Variants in PLA2R1 observed in about 807,000 individuals in gnomAD.
The protein encoded by PLA2R1 is phospholipase A2 receptor 1.
A neutral mutation model predicts 195.9 loss-of-function variants in PLA2R1; 158 were observed. The ratio of observed to expected loss-of-function variants is 0.81; its 90% CI spans 0.71 to 0.92. PLA2R1 has a LOEUF of 0.92. Ranked by LOEUF, PLA2R1 falls within the 40% of genes least tolerant of loss-of-function variation. The pLI, the probability that PLA2R1 is intolerant of heterozygous loss-of-function variation, is 0.00. For synonymous variants in PLA2R1, 586 were observed against 598.2 expected (o/e 0.98, Z 0.30); for missense variants, 1,626 against 1,764.6 (o/e 0.92, Z 1.41).
chr2:159,969,208 A>C, intron 19 of PLA2R1, 48 bp downstream of exon 19: 1 of 901,692 alleles, frequency 1.1e-6, no homozygotes, highest in East Asian at 2.4e-5. Flanking sequence ...AGCCTCCTGA[A>C]AATTATCAGT....
At position 159,970,335 on chromosome 2, in the gene PLA2R1, A is replaced by G. The variant is rs959359504; in HGVS notation, c.2596-123T>C. On this transcript the variant is annotated intron_variant, in intron 17 of 29. Transcript: ENST00000283243. ...ATTTTACCCAATTATCTAAGGAAGAATACACTAAGGCCTAGCATCTTGAGA... is the reference window on the plus strand; with the variant it reads ...ATTTTACCCAATTATCTAAGGAAGAGTACACTAAGGCCTAGCATCTTGAGA... The G allele has an allele frequency of 7.9e-5, 45 of 572,032 alleles. No individual in the cohort carries two copies. The Admixed American group carries it at 1.5e-3, about 19-fold the overall frequency. 35.4% of individuals were successfully genotyped at this position (572,032 alleles called of 1,614,324 possible).
chr2:159,986,136 CTG>C (rs1028272220), intron 12 of PLA2R1, among the ~76,000 whole-genome samples: 7 of 152,168 alleles, frequency 4.6e-5, no homozygotes, highest in African/African-American at 1.7e-4. Flanking sequence ...TGCTGCCTAT[CTG>C]TGAATACAAG....
chr2:160,038,881 G>A (rs550438536), intron 3 of PLA2R1, among the ~76,000 whole-genome samples: 122 of 152,050 alleles, frequency 8.0e-4, no homozygotes, highest in African/African-American at 2.6e-3. Context: ...GGGGGCAGGC[G>A]GGCGGCGACA....
chr2:160,012,000 T>A (rs1692397289), intron 10 of PLA2R1, among the ~76,000 whole-genome samples: 2 of 152,074 alleles, frequency 1.3e-5, no homozygotes, highest in South Asian at 4.1e-4. Context: ...TCCTGTGCAT[T>A]GTTTGGAACA....
intron 3 of PLA2R1, among the ~76,000 whole-genome samples, chr2:160,034,140 T>C (rs976478970): frequency 6.6e-6 from 1 of 152,252 alleles, no homozygotes; most frequent in African/African-American, 2.4e-5. Flanking sequence ...GTTAATTTAG[T>C]GTACTTCAAA....
chr2:160,030,263 C>A (rs1693774764), intron 4 of PLA2R1, among the ~76,000 whole-genome samples: 1 of 152,208 alleles, frequency 6.6e-6, no homozygotes, highest in Admixed American at 6.5e-5. Flanking sequence ...TAAACAGAAA[C>A]AGCATACTAT....
rs1046608588 is a variant in PLA2R1 at position 159,932,949 on chromosome 2, C to T, written c.*8829G>A. The T allele has an allele frequency of 6.7e-5, 10 of 149,458 alleles. No individual in the cohort carries two copies. The highest frequency in any genetic ancestry group is 2.2e-4 in the African/African-American group (9 of 40,872). The allele number at this position is 149,458 out of a possible 1,614,324, so 9.3% of individuals were successfully genotyped here. On this transcript the variant is annotated 3_prime_UTR_variant, in exon 30 of 30. Coordinates refer to ENST00000283243, the MANE Select transcript of PLA2R1 (RefSeq NM_007366.5). ...ACATTAATCTTGAAAAATCAATTTC[C>T]ATTAATAGAAGCACAGGAAACAAGT...
chr2:160,049,519 T>A (rs990016694), intron 1 of PLA2R1, among the ~76,000 whole-genome samples: 4 of 152,220 alleles, frequency 2.6e-5, no homozygotes, highest in African/African-American at 9.7e-5. Context: ...GCCTAGCTAA[T>A]GAAAAGAAGG....
chr2:159,948,244 A>T (rs972219341), intron 25 of PLA2R1, among the ~76,000 whole-genome samples: 2 of 151,960 alleles, frequency 1.3e-5, no homozygotes, highest in Admixed American at 6.6e-5. Context: ...ATTACAAAAA[A>T]CTTTTTAAAA....
chr2:159,969,941 G>A (rs1454119335), intron 18 of PLA2R1, among the ~76,000 whole-genome samples: 1 of 152,160 alleles, frequency 6.6e-6, no homozygotes. Flanking sequence ...GCTTTTGGAG[G>A]TGATGGATAT....
chr2:159,980,656 C>T (rs1574724521), intron 13 of PLA2R1, among the ~76,000 whole-genome samples: 4 of 152,144 alleles, frequency 2.6e-5, no homozygotes, highest in African/African-American at 9.7e-5. Flanking sequence ...CACAGAGAAT[C>T]ACCTTCCCTT....
rs545153299 is a variant in PLA2R1, at chr2:159,957,928, A to G, written c.2905-1301T>C. Among the ~76,000 whole-genome samples the G allele has an allele frequency of 9.7e-4, 148 of 152,340 alleles. 1 individual carries two copies. Among genetic ancestry groups the G allele is most frequent in the African/African-American group, 3.5e-3 (144 of 41,586 alleles). On this transcript the variant is annotated intron_variant, in intron 20 of 29. Coordinates refer to ENST00000283243, the MANE Select transcript of PLA2R1 (RefSeq NM_007366.5). The stretch of plus-strand genomic sequence containing the variant: ...TCTCTCATAATCAATTCTCTCATCA[A>G]TGAACACAGATAACCCTAGTCATTG...
rs1694775505 is a variant in PLA2R1, at chr2:160,045,083, C to T, written c.184G>A (p.Glu62Lys). 1.2e-6 allele frequency: 2 copies of T among 1,613,776 alleles called. No homozygotes were observed. Among genetic ancestry groups the T allele is most frequent in the Admixed American group, 1.7e-5 (1 of 60,002 alleles). The change falls in exon 2 of 30, where the codon GAG (glutamate) becomes AAG (lysine). Residue 62 changes from glutamate (E) to lysine (K), a missense_variant. Physicochemically the swap from Glu to Lys is moderately conservative, Grantham distance 56 (BLOSUM62 1). Transcript: ENST00000283243. ...TGCTTGTTTGCTTGCTTGCAGTTCTCCAGGGTCAGAACCGATTTACCTGCT... is the reference window on the plus strand; with the variant it reads ...TGCTTGTTTGCTTGCTTGCAGTTCTTCAGGGTCAGAACCGATTTACCTGCT... Reference protein sequence around the residue: ...IQAGKSVLTLENCKQANKHML... With the variant: ...IQAGKSVLTLKNCKQANKHML...
At chr2:159,984,222 T>G in intron 12 of PLA2R1, 149 bp from the exon 13 acceptor site, 1 of 483,798 alleles carries the variant, frequency 2.1e-6, no homozygotes. Flanking sequence ...ATTTACTGAA[T>G]TAGAATGTGC....
intron 10 of PLA2R1, among the ~76,000 whole-genome samples, chr2:160,008,183 G>A (rs1692123292): frequency 6.6e-6 from 1 of 152,190 alleles, no homozygotes; most frequent in South Asian, 2.1e-4. Flanking sequence ...TTAGATGCCT[G>A]TAGTCCCAGC....
At chr2:160,037,096 C>T (rs1395299108) in intron 3 of PLA2R1, among the ~76,000 whole-genome samples, 1 of 152,194 alleles carries the variant, frequency 6.6e-6, no homozygotes, top group African/African-American at 2.4e-5. Flanking sequence ...TTCAATAAAT[C>T]CACATTTTTC....
intron 20 of PLA2R1, among the ~76,000 whole-genome samples, chr2:159,958,159 A>T (rs915818526): frequency 3.3e-5 from 5 of 152,022 alleles, no homozygotes; most frequent in African/African-American, 1.2e-4. Flanking sequence ...CATGGGGCAG[A>T]TCCCTCTTGA....
At chr2:159,982,391 G>A (rs1303206957) in intron 13 of PLA2R1, among the ~76,000 whole-genome samples, 2 of 152,218 alleles carry the variant, frequency 1.3e-5, no homozygotes, top group Non-Finnish European at 2.9e-5. Flanking sequence ...TGAGCAGCCA[G>A]GTTCCTGAGT....
At chr2:160,016,474 G>GT in intron 9 of PLA2R1, 140 bp downstream of exon 9, 3 of 592,254 alleles carry the variant, frequency 5.1e-6, no homozygotes, top group Non-Finnish European at 9.1e-6. Flanking sequence ...GGAAAGAAGG[G>GT]GGGGGTGCGA....
Sources: gnomAD v4.1 joint callset for allele counts (sites outside exome capture counted in the v4.1 genomes callset) on GRCh38, gnomAD v4.1.1 for gene constraint, MANE v1.5 for transcripts, NCBI Gene and HGNC (gene_info 2026-07-23, HGNC 2026-07-21) for gene names.